PTPN2: variants seen among roughly 807,000 people sequenced by gnomAD.
The protein encoded by PTPN2 is protein tyrosine phosphatase non-receptor type 2, also known as tyrosine-protein phosphatase non-receptor type 2.
A neutral mutation model predicts 57.3 loss-of-function variants in PTPN2; 19 were observed. That is an observed-to-expected ratio of 0.33 (90% CI 0.23 to 0.49). The LOEUF (loss-of-function observed/expected upper bound fraction) is 0.49. PTPN2 is among the 20% of genes least tolerant of loss of function. PTPN2 has a pLI of 0.99. For missense variants in PTPN2, 358 were observed against 501.1 expected, an observed-to-expected ratio of 0.71 and a Z score of 2.73; for synonymous variants, 153 against 164.9, an observed-to-expected ratio of 0.93 and a Z score of 0.55.
At chr18:12,843,439 A>C (rs2043110865) in intron 2 of PTPN2, among the ~76,000 whole-genome samples, 4 of 152,208 alleles carry the variant, frequency 2.6e-5, no homozygotes, top group Admixed American at 1.3e-4. Flanking sequence ...ATCTAGAAAC[A>C]ACCACACCCT....
chr18:12,866,160 C>CG (rs1280057395), intron 1 of PTPN2, among the ~76,000 whole-genome samples: 1 of 152,156 alleles, frequency 6.6e-6, no homozygotes, highest in African/African-American at 2.4e-5. Flanking sequence ...AGAAACCAGC[C>CG]GGGCGCGGTG....
rs960334905 is a variant in PTPN2, at chr18:12,872,821, T to C, written c.69+11252A>G. ...ACCATTAGTAGTACTGTACCGTACA[T>C]AGAACATTAAATCGGCACAACATTT... On this transcript the variant is annotated intron_variant, in intron 1 of 8. Transcript: ENST00000309660. Among the ~76,000 whole-genome samples, 15 of 152,388 alleles carry C rather than the reference T, an allele frequency of 9.8e-5. No individual in the cohort carries two copies. In the East Asian group the frequency reaches 1.9e-3, roughly 20 times the overall value.
At chr18:12,823,977 C>G (rs996679875) in intron 5 of PTPN2, among the ~76,000 whole-genome samples, 3 of 152,052 alleles carry the variant, frequency 2.0e-5, no homozygotes, top group African/African-American at 7.2e-5. Flanking sequence ...ACATCTATGC[C>G]CTTCATCTAA....
intron 7 of PTPN2, among the ~76,000 whole-genome samples, chr18:12,807,473 G>A (rs1050316507): frequency 6.7e-6 from 1 of 148,214 alleles, no homozygotes; most frequent in African/African-American, 2.5e-5. Flanking sequence ...AAGGCATATC[G>A]GCACTCCTGT....
At chr18:12,874,923 G>T (rs937381728) in intron 1 of PTPN2, among the ~76,000 whole-genome samples, 7 of 152,202 alleles carry the variant, frequency 4.6e-5, no homozygotes, top group African/African-American at 1.7e-4. Context: ...TGTGTGGAAA[G>T]AAGTAGACAT....
intron 2 of PTPN2, among the ~76,000 whole-genome samples, chr18:12,855,946 GA>G (rs34452442): frequency 6.6e-6 from 1 of 152,158 alleles, no homozygotes; most frequent in South Asian, 2.1e-4. Flanking sequence ...CACAATACAT[GA>G]AAAAGTCAAC....
intron 4 of PTPN2, among the ~76,000 whole-genome samples, chr18:12,827,170 C>T (rs769564514): frequency 2.0e-5 from 3 of 151,480 alleles, no homozygotes; most frequent in South Asian, 2.1e-4. Flanking sequence ...AGTGAAACCC[C>T]GTCTCTACTA....
intron 7 of PTPN2, among the ~76,000 whole-genome samples, chr18:12,806,761 A>AC (rs2041666146): frequency 6.6e-6 from 1 of 152,108 alleles, no homozygotes; most frequent in Non-Finnish European, 1.5e-5. Context: ...ATGAAACTAG[A>AC]CCCCTATCTC....
In PTPN2 at chr18:12,831,057, A is replaced by G. The variant is rs1489581801; in HGVS notation, c.262-16T>C. 2 of 1,543,180 alleles carry G rather than the reference A, an allele frequency of 1.3e-6. No individual in the cohort carries two copies. Among genetic ancestry groups the G allele is most frequent in the East Asian group, 2.3e-5 (1 of 44,116 alleles). On this transcript the variant is annotated splice_polypyrimidine_tract_variant and intron_variant, in intron 3 of 8. Coordinates refer to ENST00000309660, the MANE Select transcript of PTPN2 (RefSeq NM_002828.4). ...GAAGTGGACCCTGTGAAGAGAGAGGAGAGAGAGCAGATGAGGGAAGCAGAC... is the reference window on the plus strand; with the variant it reads ...GAAGTGGACCCTGTGAAGAGAGAGGGGAGAGAGCAGATGAGGGAAGCAGAC...
intron 8 of PTPN2, among the ~76,000 whole-genome samples, chr18:12,796,150 C>G (rs1433347124): frequency 6.6e-6 from 1 of 151,972 alleles, no homozygotes; most frequent in Non-Finnish European, 1.5e-5. Context: ...AAATGTCAAG[C>G]AAGGAAGAAA....
chr18:12,867,589 G>C (rs750736221), intron 1 of PTPN2, among the ~76,000 whole-genome samples: 8 of 152,076 alleles, frequency 5.3e-5, no homozygotes, highest in Non-Finnish European at 1.2e-4. Context: ...AACTGGGTTA[G>C]CTTCTCCATT....
At chr18:12,822,740 T>G (rs1443909336) in intron 5 of PTPN2, among the ~76,000 whole-genome samples, 1 of 152,306 alleles carries the variant, frequency 6.6e-6, no homozygotes, top group Admixed American at 6.5e-5. Context: ...CCATCATCAC[T>G]TTTTCTCACT....
chr18:12,875,005 AC>A lies in PTPN2; in HGVS notation c.69+9067del, dbSNP rs542303400. ...TGGGATCCTGTTGATCTGTGACCTT[AC>A]CCCCCAACCCTGTGCTCTCTGAAAC... On this transcript the variant is annotated intron_variant, in intron 1 of 8. Coordinates refer to ENST00000309660, the MANE Select transcript of PTPN2 (RefSeq NM_002828.4). Among the ~76,000 whole-genome samples the A allele has an allele frequency of 3.4e-4, 52 of 151,768 alleles. No homozygotes were observed. In the South Asian group the frequency reaches 5.4e-3, roughly 16 times the overall value.
At chr18:12,799,922 C>T (rs148485059) in intron 8 of PTPN2, among the ~76,000 whole-genome samples, 49 of 152,244 alleles carry the variant, frequency 3.2e-4, no homozygotes, top group Admixed American at 2.2e-3. Flanking sequence ...TGAGCCACCA[C>T]GCCCGGCCTC....
intron 2 of PTPN2, among the ~76,000 whole-genome samples, chr18:12,847,103 G>C (rs2043236746): frequency 6.7e-6 from 1 of 149,928 alleles, no homozygotes; most frequent in Non-Finnish European, 1.5e-5. Context: ...AGGACAGAAA[G>C]GTGAATGCGG....
intron 2 of PTPN2, among the ~76,000 whole-genome samples, chr18:12,853,882 T>G (rs759404300): frequency 2.0e-5 from 3 of 152,060 alleles, no homozygotes; most frequent in African/African-American, 7.3e-5. Context: ...GCAGCACTAT[T>G]AGAGAGGAGA....
At chr18:12,852,789 A>G (rs575377583) in intron 2 of PTPN2, among the ~76,000 whole-genome samples, 10 of 152,372 alleles carry the variant, frequency 6.6e-5, no homozygotes, top group African/African-American at 2.2e-4. Context: ...TAGTGAGTGT[A>G]AAAGAATCAT....
At chr18:12,826,796 T>C (rs2042478176) in intron 4 of PTPN2, among the ~76,000 whole-genome samples, 1 of 152,066 alleles carries the variant, frequency 6.6e-6, no homozygotes, top group Non-Finnish European at 1.5e-5. Flanking sequence ...CTTGAACTCC[T>C]GACCTCAAGT....
chr18:12,827,670 C>T (rs756717184), intron 4 of PTPN2, among the ~76,000 whole-genome samples: 1 of 150,996 alleles, frequency 6.6e-6, no homozygotes, highest in Non-Finnish European at 1.5e-5. Flanking sequence ...TAGGTGTAAG[C>T]CCTCCAACCT....
Sources: allele counts gnomAD v4.1 joint callset (sites outside exome capture counted in the v4.1 genomes callset), GRCh38; gene constraint gnomAD v4.1.1; transcripts MANE v1.5; gene names NCBI Gene and HGNC (gene_info 2026-07-23, HGNC 2026-07-21).